KALRN: variants seen among roughly 807,000 people sequenced by gnomAD.
KALRN encodes kalirin RhoGEF kinase, also known as kalirin.
A neutral mutation model predicts 353.7 loss-of-function variants in KALRN; 70 were observed. The ratio of observed to expected loss-of-function variants is 0.20; its 90% CI spans 0.16 to 0.24. The LOEUF (loss-of-function observed/expected upper bound fraction) is 0.24. KALRN is among the 10% of genes least tolerant of loss of function. The probability of loss-of-function intolerance (pLI) is 1.00; values close to 1 mark genes in which losing one functional copy is unlikely to be tolerated. For missense variants in KALRN, 2,791 were observed against 3,756.7 expected, an observed-to-expected ratio of 0.74 and a Z score of 6.72; for synonymous variants, 1,391 against 1,434.8, an observed-to-expected ratio of 0.97 and a Z score of 0.69.
chr3:124,090,582 C>T (rs1226838213), intron 1 of KALRN, among the ~76,000 whole-genome samples: 2 of 152,184 alleles, frequency 1.3e-5, no homozygotes, highest in Non-Finnish European at 1.5e-5. Flanking sequence ...AGGAGAGAGG[C>T]CCCTCTGCCT....
At chr3:124,378,304 C>G (rs904033440) in intron 10 of KALRN, among the ~76,000 whole-genome samples, 1 of 152,024 alleles carries the variant, frequency 6.6e-6, no homozygotes, top group South Asian at 2.1e-4. Context: ...GTATAGGAAC[C>G]TTACAATAGT....
At chr3:124,362,338 G>A (rs1183253976) in intron 10 of KALRN, among the ~76,000 whole-genome samples, 3 of 152,234 alleles carry the variant, frequency 2.0e-5, no homozygotes, top group Non-Finnish European at 4.4e-5. Flanking sequence ...CCACTCTCAA[G>A]TTGTGACAGG....
chr3:124,405,648 T>G (rs111268864), intron 13 of KALRN, among the ~76,000 whole-genome samples: 61 of 137,636 alleles, frequency 4.4e-4, no homozygotes, highest in African/African-American at 1.7e-3. Flanking sequence ...GTTTTTTTTT[T>G]TTTTTTTTTT....
chr3:124,495,963 A>ATGTG (rs1361703467), intron 32 of KALRN, among the ~76,000 whole-genome samples: 16 of 26,162 alleles, frequency 6.1e-4, no homozygotes, highest in South Asian at 2.5e-3. Context: ...ATGTGTATGT[A>ATGTG]TGTATATATA....
At chr3:124,235,524 T>C (rs1001019389) in intron 3 of KALRN, among the ~76,000 whole-genome samples, 2 of 148,214 alleles carry the variant, frequency 1.3e-5, no homozygotes, top group East Asian at 2.0e-4. Flanking sequence ...AGAAGAGAGC[T>C]TCACTTGATC....
At chr3:124,615,712 G>A (rs9813545) in intron 34 of KALRN, among the ~76,000 whole-genome samples, 412 of 152,270 alleles carry the variant, frequency 2.7e-3, no homozygotes, top group African/African-American at 9.5e-3. Context: ...TTGCAGGGTG[G>A]GCCAGGCAGT....
At chr3:124,402,975 C>T (rs1283817351) in intron 13 of KALRN, among the ~76,000 whole-genome samples, 1 of 152,050 alleles carries the variant, frequency 6.6e-6, no homozygotes, top group African/African-American at 2.4e-5. Context: ...CTCGTTAAAC[C>T]ACGTGTCTTT....
At chr3:124,161,508 T>C (rs2069950631) in intron 1 of KALRN, among the ~76,000 whole-genome samples, 1 of 152,226 alleles carries the variant, frequency 6.6e-6, no homozygotes, top group Admixed American at 6.5e-5. Context: ...AGCACTACTT[T>C]TTCTTTGTTT....
At chr3:124,110,746 G>A (rs976551375) in intron 1 of KALRN, among the ~76,000 whole-genome samples, 7 of 152,104 alleles carry the variant, frequency 4.6e-5, no homozygotes, top group African/African-American at 1.7e-4. Flanking sequence ...CAGTCAACTG[G>A]GTTTCAGGTT....
chr3:124,463,602 A>G (rs1351749972), intron 25 of KALRN, among the ~76,000 whole-genome samples: 2 of 152,228 alleles, frequency 1.3e-5, no homozygotes, highest in Admixed American at 6.5e-5. Context: ...TGAATTTTCA[A>G]TTTTATTTAA....
chr3:124,292,974 A>T (rs1379563272), intron 5 of KALRN, among the ~76,000 whole-genome samples: 1 of 152,248 alleles, frequency 6.6e-6, no homozygotes, highest in Non-Finnish European at 1.5e-5. Context: ...GTCAAAGTTT[A>T]TACAGCAGAG....
At chr3:124,686,329 C>T (rs66484237) in intron 51 of KALRN, among the ~76,000 whole-genome samples, 18,999 of 152,168 alleles carry the variant, frequency 0.12, 1,292 homozygotes, top group African/African-American at 0.17. Context: ...GTACTATTCG[C>T]GTTATTCCCA....
intron 1 of KALRN, among the ~76,000 whole-genome samples, chr3:124,182,097 A>G (rs1336414389): frequency 6.6e-6 from 1 of 152,252 alleles, no homozygotes; most frequent in Admixed American, 6.5e-5. Context: ...GCTGGAAGAC[A>G]TTAGTTGGTC....
At chr3:124,255,740 G>A (rs914643684) in intron 3 of KALRN, among the ~76,000 whole-genome samples, 2 of 152,152 alleles carry the variant, frequency 1.3e-5, no homozygotes, top group African/African-American at 4.8e-5. Context: ...GATGGAGCAG[G>A]GTGGGGAGGG....
At position 124,717,364 on chromosome 3, in the gene KALRN, G is replaced by A. The variant is rs1350676654; in HGVS notation, c.8394G>A (p.Arg2798=). The A allele has an allele frequency of 5.6e-6, 9 of 1,605,092 alleles. No individual in the cohort carries two copies. Among genetic ancestry groups the A allele is most frequent in the Admixed American group, 1.7e-5 (1 of 58,090 alleles). The part of the protein sequence containing the change: ...MEALQYLHNC[R]VAHLDIKPEN... Reference sequence around the variant, plus strand: ...CTCTGCAGTACCTTCACAACTGCAGGGTTGCACATTTGGACATAAAGGTAA... The same window carrying A: ...CTCTGCAGTACCTTCACAACTGCAGAGTTGCACATTTGGACATAAAGGTAA... Residue 2798 remains arginine (R), a synonymous_variant, in exon 59 of 60, where the codon AGG becomes AGA. Coordinates refer to ENST00000682506, the MANE Select transcript of KALRN (RefSeq NM_001388419.1).
At chr3:124,504,532 A>G (rs1294079805) in intron 33 of KALRN, among the ~76,000 whole-genome samples, 1 of 152,220 alleles carries the variant, frequency 6.6e-6, no homozygotes, top group Non-Finnish European at 1.5e-5. Context: ...GCAAATCCAC[A>G]GCAACACAAA....
intron 33 of KALRN, among the ~76,000 whole-genome samples, chr3:124,538,322 G>A (rs149090053): frequency 8.6e-4 from 131 of 152,172 alleles, no homozygotes; most frequent in African/African-American, 3.1e-3. Context: ...CAGAGACAGA[G>A]ACAGGATGCG....
chr3:124,451,087 A>G (rs1324847667), intron 21 of KALRN, among the ~76,000 whole-genome samples: 1 of 152,200 alleles, frequency 6.6e-6, no homozygotes, highest in African/African-American at 2.4e-5. Flanking sequence ...AAGGAATATC[A>G]ATAATGAAAG....
chr3:124,168,446 C>T (rs1184373073), intron 1 of KALRN, among the ~76,000 whole-genome samples: 1 of 152,112 alleles, frequency 6.6e-6, no homozygotes, highest in Non-Finnish European at 1.5e-5. Flanking sequence ...TCTCATAGAG[C>T]AAGCAATATT....
Sources: allele counts gnomAD v4.1 joint callset (sites outside exome capture counted in the v4.1 genomes callset), GRCh38; gene constraint gnomAD v4.1.1; transcripts MANE v1.5; gene names NCBI Gene and HGNC (gene_info 2026-07-23, HGNC 2026-07-21).